The following EGFR variants were observed in gnomAD, a reference collection of about 807,000 sequenced individuals.
The protein encoded by EGFR is epidermal growth factor receptor.
EGFR carries 58 observed loss-of-function variants against 143.0 expected under a neutral mutation model. The ratio of observed to expected loss-of-function variants is 0.41; its 90% CI spans 0.33 to 0.50. EGFR has a LOEUF of 0.50. Ranked by LOEUF, EGFR falls within the 20% of genes least tolerant of loss-of-function variation. EGFR has a pLI of 0.39. For missense variants in EGFR, 1,307 were observed against 1,579.0 expected (o/e 0.83, Z 2.92); for synonymous variants, 613 against 594.4 (o/e 1.03, Z -0.45).
intron 1 of EGFR, among the ~76,000 whole-genome samples, chr7:55,074,095 G>T (rs114064817): frequency 2.0e-5 from 3 of 152,290 alleles, no homozygotes; most frequent in Admixed American, 1.3e-4. Context: ...CATCTGCCTC[G>T]CGAAGGCTAA....
rs2128975149 is a variant in EGFR, at chr7:55,205,300, C to G, written c.3316C>G (p.Gln1106Glu). 1 of 1,612,476 alleles carries G rather than the reference C, an allele frequency of 6.2e-7. No homozygotes were observed. The highest frequency in any genetic ancestry group is 1.3e-5 in the African/African-American group (1 of 75,008). Residue 1106 changes from glutamine to glutamate, a missense_variant, in exon 28 of 28, where the codon CAG becomes GAG. This residue lies in a region of EGFR where 313 missense variants were observed against 312.3 expected (regional missense o/e 1.00). Coordinates refer to ENST00000275493, the MANE Select transcript of EGFR (RefSeq NM_005228.5). ...SVPKRPAGSVQNPVYHNQPLN... is the reference protein window; with the variant it reads ...SVPKRPAGSVENPVYHNQPLN... ...TCCCAAAAGGCCCGCTGGCTCTGTG[C>G]AGAATCCTGTCTATCACAATCAGCC... is the stretch of plus-strand genomic sequence containing the variant.
chr7:55,173,912 C>T lies in EGFR; in HGVS notation c.2062-9C>T, dbSNP rs1179381056. 2.5e-6 allele frequency: 4 copies of T among 1,613,374 alleles called. No individual in the cohort carries two copies. The highest frequency in any genetic ancestry group is 2.5e-6 in the Non-Finnish European group (3 of 1,179,596). On this transcript the variant is annotated splice_polypyrimidine_tract_variant and intron_variant, in intron 17 of 27. Coordinates refer to ENST00000275493, the MANE Select transcript of EGFR (RefSeq NM_005228.5). ...GTGACCCTTGTCTCTGTGTTCTTGT[C>T]CCCCCCAGCTTGTGGAGCCTCTTAC...
intron 1 of EGFR, among the ~76,000 whole-genome samples, chr7:55,019,965 G>T (rs964593102): frequency 1.4e-4 from 22 of 152,190 alleles, no homozygotes; most frequent in Non-Finnish European, 2.6e-4. Flanking sequence ...GCCGGCGCCC[G>T]CCAGCCTGGC....
At chr7:55,134,622 C>G (rs573147569) in intron 1 of EGFR, among the ~76,000 whole-genome samples, 1 of 152,096 alleles carries the variant, frequency 6.6e-6, no homozygotes, top group Non-Finnish European at 1.5e-5. Context: ...CTTTTTTAGC[C>G]CAATTTTGTT....
rs1786529404 is a variant in EGFR, at chr7:55,174,839, G to C, written c.2283+19G>C. 6.2e-7 allele frequency: 1 copy of C among 1,604,508 alleles called. No individual in the cohort carries two copies. The highest frequency in any genetic ancestry group is 8.5e-7 in the Non-Finnish European group (1 of 1,171,316). ...CCTCGATGTGAGTTTCTGCTTTGCT[G>C]TGTGGGGGTCCATGGCTCTGAACCT... is the stretch of plus-strand genomic sequence containing the variant. On this transcript the variant is annotated intron_variant, in intron 19 of 27. Coordinates refer to ENST00000275493, the MANE Select transcript of EGFR (RefSeq NM_005228.5).
chr7:55,106,102 G>A (rs935911186), intron 1 of EGFR, among the ~76,000 whole-genome samples: 8 of 152,202 alleles, frequency 5.3e-5, no homozygotes, highest in African/African-American at 9.7e-5. Flanking sequence ...GGAGCCTAGC[G>A]GCAAGGGCTG....
intron 1 of EGFR, among the ~76,000 whole-genome samples, chr7:55,108,910 G>C (rs1416327356): frequency 6.6e-6 from 1 of 152,194 alleles, no homozygotes; most frequent in African/African-American, 2.4e-5. Context: ...AACACAGGCT[G>C]GGCAAGTTGC....
At chr7:55,118,641 T>A (rs574438284) in intron 1 of EGFR, among the ~76,000 whole-genome samples, 10 of 152,250 alleles carry the variant, frequency 6.6e-5, no homozygotes, top group Admixed American at 2.0e-4. Context: ...TCCAGAAATG[T>A]CATGTCCACT....
At chr7:55,091,847 AAC>A (rs71014681) in intron 1 of EGFR, among the ~76,000 whole-genome samples, 8,578 of 131,990 alleles carry the variant, frequency 0.065, 304 homozygotes, top group Non-Finnish European at 0.086. Flanking sequence ...ACCCACTGTA[AAC>A]ACACACACAC....
At chr7:55,168,407 ATACACT>A (rs1786176875) in intron 15 of EGFR, 1 of 761,484 alleles carries the variant, frequency 1.3e-6, no homozygotes, top group Non-Finnish European at 2.3e-6. Flanking sequence ...GGCATTTTCA[ATACACT>A]TACTTTGTAT....
In EGFR at chr7:55,185,880, G is replaced by C. The variant is rs990426158; in HGVS notation, c.2469+4402G>C. Among the ~76,000 whole-genome samples the C allele has an allele frequency of 3.9e-5, 6 of 152,306 alleles. No individual in the cohort carries two copies. The East Asian group carries it at 9.7e-4, about 25-fold the overall frequency. The stretch of plus-strand genomic sequence containing the variant: ...ATGAACATCAAAGAAAACGTCAAAG[G>C]CTCCTTTTTACAAGTACGTGGGCTA... On this transcript the variant is annotated intron_variant, in intron 20 of 27. Transcript: ENST00000275493.
Position 55,146,664 on chromosome 7 carries a change from C to G in EGFR, c.483C>G (p.Ser161Arg), listed in dbSNP as rs1794779686. ...SNNPALCNVE[S>R]IQWRDIVSSD... ...ACCCTGCCCTGTGCAACGTGGAGAG[C>G]ATCCAGTGGCGGGACATAGTCAGCA... is the stretch of plus-strand genomic sequence containing the variant. Residue 161 changes from serine to arginine, a missense_variant, in exon 4 of 28, where the codon AGC (serine) becomes AGG (arginine). This residue lies in a region of EGFR where 311 missense variants were observed against 412.3 expected (regional missense o/e 0.75). Coordinates refer to ENST00000275493, the MANE Select transcript of EGFR (RefSeq NM_005228.5). The G allele has an allele frequency of 1.2e-6, 2 of 1,614,118 alleles. No homozygotes were observed. Among genetic ancestry groups the G allele is most frequent in the Non-Finnish European group, 1.7e-6 (2 of 1,179,968 alleles).
chr7:55,163,191 G>A (rs185121818), intron 13 of EGFR, among the ~76,000 whole-genome samples: 38 of 152,316 alleles, frequency 2.5e-4, no homozygotes, highest in Non-Finnish European at 4.9e-4. Context: ...ACAAACAGCC[G>A]TACATCTGTT....
chr7:55,123,504 A>C (rs1480611774), intron 1 of EGFR, among the ~76,000 whole-genome samples: 1 of 152,098 alleles, frequency 6.6e-6, no homozygotes, highest in Non-Finnish European at 1.5e-5. Flanking sequence ...TTGGTGTAGC[A>C]TCTGTAGGAA....
intron 1 of EGFR, among the ~76,000 whole-genome samples, chr7:55,036,400 T>C (rs1289358580): frequency 6.6e-6 from 1 of 152,024 alleles, no homozygotes; most frequent in Admixed American, 6.6e-5. Context: ...GGAAAGCTGG[T>C]GAGGCCATGT....
chr7:55,190,515 CA>C (rs369572261), intron 20 of EGFR, among the ~76,000 whole-genome samples: 10 of 145,724 alleles, frequency 6.9e-5, no homozygotes, highest in East Asian at 4.0e-4. Context: ...AATATTCATG[CA>C]AAAAAAAAAC....
At position 55,209,130 on chromosome 7, in the gene EGFR, G is replaced by C. The variant is rs938738093; in HGVS notation, c.*3513G>C. 6.6e-6 allele frequency: 1 copy of C among 151,948 alleles called. No homozygotes were observed. The highest frequency in any genetic ancestry group is 2.1e-4 in the South Asian group (1 of 4,806). The allele number at this position is 151,948 out of a possible 1,614,324, so 9.4% of individuals were successfully genotyped here. ...CATCTGTGGAGCTTCAAAAGAAGGG[G>C]CCTGGAGTCTCTGCAGACCAATTCA... On this transcript the variant is annotated 3_prime_UTR_variant, in exon 28 of 28. Coordinates refer to ENST00000275493, the MANE Select transcript of EGFR (RefSeq NM_005228.5).
At chr7:55,188,186 A>G (rs771303289) in intron 20 of EGFR, among the ~76,000 whole-genome samples, 49 of 152,158 alleles carry the variant, frequency 3.2e-4, no homozygotes, top group Non-Finnish European at 6.9e-4. Context: ...CTCCACCAGA[A>G]CCACGCGGCC....
intron 1 of EGFR, among the ~76,000 whole-genome samples, chr7:55,112,946 G>A (rs1284849186): frequency 2.6e-5 from 4 of 152,152 alleles, no homozygotes; most frequent in East Asian, 1.9e-4. Flanking sequence ...TTATCTTGAC[G>A]ATCCAGAGAT....
Sources: gnomAD v4.1 joint callset for allele counts (sites outside exome capture counted in the v4.1 genomes callset) on GRCh38, gnomAD v4.1.1 for gene constraint, gnomAD v4.1.1 regional missense constraint, MANE v1.5 for transcripts, NCBI Gene and HGNC (gene_info 2026-07-23, HGNC 2026-07-21) for gene names.